Variants in GPM6A observed in about 807,000 individuals in gnomAD.
The protein encoded by GPM6A is neuronal membrane glycoprotein M6-a.
A neutral mutation model predicts 32.1 loss-of-function variants in GPM6A; 7 were observed. The ratio of observed to expected loss-of-function variants is 0.22; its 90% confidence interval spans 0.12 to 0.41. The LOEUF (loss-of-function observed/expected upper bound fraction) is 0.41. GPM6A is among the 10% of genes least tolerant of loss of function. The probability of loss-of-function intolerance (pLI) is 1.00; values close to 1 mark genes in which losing one functional copy is unlikely to be tolerated. For synonymous variants in GPM6A, 130 were observed against 123.4 expected, an observed-to-expected ratio of 1.05 and a Z score of -0.35; for missense variants, 235 against 347.2, an observed-to-expected ratio of 0.68 and a Z score of 2.57.
chr4:175,945,125 A>C (rs1233719292), intron 1 of GPM6A, among the ~76,000 whole-genome samples: 4 of 152,202 alleles, frequency 2.6e-5, no homozygotes, highest in Non-Finnish European at 5.9e-5. Flanking sequence ...GACGAAGCCA[A>C]GTACGTGAGT....
chr4:175,842,203 T>TTCCTAAATTTAAATTTAAATGATTC (rs1463095971), intron 1 of GPM6A, among the ~76,000 whole-genome samples: 1 of 152,168 alleles, frequency 6.6e-6, no homozygotes, highest in African/African-American at 2.4e-5. Context: ...TTTTTAAGGC[T>TTCCTAAATTTAAATTTAAATGATTC]TCCTAAATTT....
chr4:175,918,736 T>C (rs1738574861), intron 1 of GPM6A, among the ~76,000 whole-genome samples: 1 of 152,140 alleles, frequency 6.6e-6, no homozygotes, highest in African/African-American at 2.4e-5. Flanking sequence ...GTGTTTCCAG[T>C]AGGGTGTCTG....
At chr4:175,826,360 A>G (rs932673221) in intron 1 of GPM6A, among the ~76,000 whole-genome samples, 1 of 150,846 alleles carries the variant, frequency 6.6e-6, no homozygotes, top group East Asian at 1.9e-4. Context: ...TGTATCGTGA[A>G]TTAGGGACAA....
At chr4:175,905,186 G>A (rs370985544) in intron 1 of GPM6A, among the ~76,000 whole-genome samples, 1 of 152,112 alleles carries the variant, frequency 6.6e-6, no homozygotes, top group African/African-American at 2.4e-5. Context: ...AAATCTGTAG[G>A]AGAAACTAAT....
Position 175,821,634 on chromosome 4 carries a change from A to G in GPM6A, c.-22-9385T>C, listed in dbSNP as rs546879017. On this transcript the variant is annotated intron_variant, in intron 1 of 7. Coordinates refer to the GPM6A transcript ENST00000280187. Reference sequence around the variant, plus strand: ...AGAACTTTTTTTCATATATTTTAAGAATGTTTTAAAATGTTCTCCCTAGGA... The same window carrying G: ...AGAACTTTTTTTCATATATTTTAAGGATGTTTTAAAATGTTCTCCCTAGGA... Among the ~76,000 whole-genome samples the G allele has an allele frequency of 2.6e-5, 4 of 152,104 alleles. No individual in the cohort carries two copies. In the South Asian group the frequency reaches 6.2e-4, roughly 24 times the overall value.
intron 1 of GPM6A, among the ~76,000 whole-genome samples, chr4:175,821,707 T>C (rs1735283923): frequency 6.6e-6 from 1 of 152,072 alleles, no homozygotes; most frequent in Admixed American, 6.5e-5. Flanking sequence ...TTTGATTTCT[T>C]TTAGAGGTAT....
At chr4:175,938,142 A>G (rs1342387209) in intron 1 of GPM6A, among the ~76,000 whole-genome samples, 1 of 152,194 alleles carries the variant, frequency 6.6e-6, no homozygotes, top group Non-Finnish European at 1.5e-5. Context: ...CATAAAGAAA[A>G]GAAATAAGTT....
intron 1 of GPM6A, among the ~76,000 whole-genome samples, chr4:175,913,536 T>A (rs1738389154): frequency 2.6e-5 from 4 of 152,226 alleles, no homozygotes. Flanking sequence ...TAGCCCAAAG[T>A]GCTGAGTGAT....
At chr4:175,749,816 T>C (rs1037256964) in intron 1 of GPM6A, among the ~76,000 whole-genome samples, 1 of 152,166 alleles carries the variant, frequency 6.6e-6, no homozygotes, top group African/African-American at 2.4e-5. Flanking sequence ...AGAACTATTT[T>C]ATGACAACTT....
chr4:175,908,159 A>G (rs1738191956), intron 1 of GPM6A, among the ~76,000 whole-genome samples: 1 of 152,196 alleles, frequency 6.6e-6, no homozygotes, highest in East Asian at 1.9e-4. Context: ...AATTTATGAA[A>G]ACCTGTCAAG....
At chr4:175,667,825 G>T (rs931736263) in intron 3 of GPM6A, among the ~76,000 whole-genome samples, 2 of 151,524 alleles carry the variant, frequency 1.3e-5, no homozygotes, top group Non-Finnish European at 2.9e-5. Flanking sequence ...TTTAAGTTTT[G>T]GCCAAAGAGT....
At chr4:175,776,825 A>G (rs1449083704) in intron 1 of GPM6A, among the ~76,000 whole-genome samples, 2 of 152,184 alleles carry the variant, frequency 1.3e-5, no homozygotes, top group African/African-American at 4.8e-5. Flanking sequence ...GTTCCTGGGA[A>G]CAAAGGGAAA....
At chr4:175,813,909 C>T (rs1331803412), upstream of GPM6A, among the ~76,000 whole-genome samples, 5 of 152,118 alleles carry the variant, frequency 3.3e-5, no homozygotes, top group African/African-American at 9.7e-5. Context: ...AACTCAAAAC[C>T]TATCTCTTTG....
At chr4:175,748,294 G>A (rs1280911482) in intron 1 of GPM6A, among the ~76,000 whole-genome samples, 1 of 152,064 alleles carries the variant, frequency 6.6e-6, no homozygotes, top group Non-Finnish European at 1.5e-5. Context: ...AATTGATGTT[G>A]CCCAGATATA....
rs1733676049 is a variant in GPM6A at position 175,783,142 on chromosome 4, AT to A, written c.37+29048del. 2.0e-5 allele frequency among the ~76,000 whole-genome samples: 3 copies of A among 152,106 alleles called. No homozygotes were observed. The East Asian group carries it at 5.8e-4, about 29-fold the overall frequency. Reference sequence around the variant, plus strand: ...CTTTTTTAAAAAAGTAATTTAAAAAATTTTTTGCCTTTGTCATAATAGTAAG... The same window carrying A: ...CTTTTTTAAAAAAGTAATTTAAAAAATTTTTGCCTTTGTCATAATAGTAAG... On this transcript the variant is annotated intron_variant, in intron 1 of 6. Coordinates refer to ENST00000393658, the MANE Select transcript of GPM6A (RefSeq NM_201591.3).
chr4:175,911,168 G>A (rs140570843), intron 1 of GPM6A, among the ~76,000 whole-genome samples: 1 of 152,214 alleles, frequency 6.6e-6, no homozygotes, highest in East Asian at 1.9e-4. Context: ...CCAAATGATA[G>A]GGACATATAT....
intron 1 of GPM6A, among the ~76,000 whole-genome samples, chr4:175,822,003 T>C (rs1282480135): frequency 6.6e-6 from 1 of 152,128 alleles, no homozygotes; most frequent in Non-Finnish European, 1.5e-5. Flanking sequence ...AATGATTCTA[T>C]GGTTTCATTA....
chr4:175,637,825 A>G (rs1424588780), intron 6 of GPM6A, among the ~76,000 whole-genome samples: 26 of 118,048 alleles, frequency 2.2e-4, no homozygotes, highest in Non-Finnish European at 3.8e-4. Context: ...TATATTATAT[A>G]TAAAAATATA....
chr4:175,684,075 T>C (rs1005830117), intron 2 of GPM6A, among the ~76,000 whole-genome samples: 1 of 152,066 alleles, frequency 6.6e-6, no homozygotes, highest in African/African-American at 2.4e-5. Context: ...GTGATCCACC[T>C]GCCTCTGCCT....
Sources: gnomAD v4.1 joint callset for allele counts (sites outside exome capture counted in the v4.1 genomes callset) on GRCh38, gnomAD v4.1.1 for gene constraint, MANE v1.5 for transcripts, NCBI Gene and HGNC (gene_info 2026-07-23, HGNC 2026-07-21) for gene names.